GIGYF2: variants seen among roughly 807,000 people sequenced by gnomAD.
GIGYF2 encodes GRB10 interacting GYF protein 2, also known as GRB10-interacting GYF protein 2.
GIGYF2 carries 25 observed loss-of-function variants against 208.1 expected under a neutral mutation model. The observed-to-expected ratio is 0.12, with a 90% confidence interval of 0.09 to 0.17. The LOEUF (loss-of-function observed/expected upper bound fraction) is 0.17. Among genes scored for constraint, GIGYF2 ranks in the 10% least tolerant of loss-of-function variants. The probability of loss-of-function intolerance (pLI) is 1.00; values close to 1 mark genes in which losing one functional copy is unlikely to be tolerated. For synonymous variants in GIGYF2, 534 were observed against 543.8 expected (o/e 0.98, Z 0.25); for missense variants, 1,302 against 1,579.4 (o/e 0.82, Z 2.98).
chr2:232,799,674 C>G (rs912245266), intron 14 of GIGYF2, among the ~76,000 whole-genome samples: 1 of 152,032 alleles, frequency 6.6e-6, no homozygotes, highest in African/African-American at 2.4e-5. Context: ...ATTGCTTGAT[C>G]ATGTGGTATT....
intron 2 of GIGYF2, among the ~76,000 whole-genome samples, chr2:232,715,580 G>GAA (rs377446361): frequency 3.5e-5 from 5 of 142,470 alleles, no homozygotes; most frequent in Non-Finnish European, 3.1e-5. Context: ...GGCTTTCTGG[G>GAA]AAAAAAAAAA....
intron 2 of GIGYF2, chr2:232,729,800 GT>G: frequency 1.3e-6 from 1 of 748,438 alleles, no homozygotes. Flanking sequence ...ACGAGTGCAG[GT>G]TTTTTGGCTT....
At chr2:232,817,306 A>G (rs1445425212) in intron 20 of GIGYF2, among the ~76,000 whole-genome samples, 1 of 152,236 alleles carries the variant, frequency 6.6e-6, no homozygotes, top group Admixed American at 6.5e-5. Flanking sequence ...CCTTGCATCT[A>G]AAAACAATGA....
intron 8 of GIGYF2, chr2:232,764,437 G>A (rs1698868024): frequency 6.6e-6 from 1 of 152,294 alleles, no homozygotes; most frequent in East Asian, 1.9e-4. Flanking sequence ...CCCTTGAAAG[G>A]GTCCACACAT....
chr2:232,808,760 T>G (rs1048902026), intron 15 of GIGYF2, among the ~76,000 whole-genome samples: 37 of 152,162 alleles, frequency 2.4e-4, no homozygotes, highest in African/African-American at 7.7e-4. Flanking sequence ...TTCTCCTAAT[T>G]TTAACTTTTT....
chr2:232,745,712 C>T (rs184935806), intron 3 of GIGYF2, among the ~76,000 whole-genome samples: 1 of 152,050 alleles, frequency 6.6e-6, no homozygotes, highest in African/African-American at 2.4e-5. Flanking sequence ...AGAATATAAT[C>T]ACTTACAACC....
intron 5 of GIGYF2, among the ~76,000 whole-genome samples, chr2:232,754,173 G>GAA (rs1262026632): frequency 4.0e-5 from 5 of 126,172 alleles, no homozygotes; most frequent in African/African-American, 1.5e-4. Flanking sequence ...TCAAAAAAAA[G>GAA]AAAAAAAAAA....
intron 22 of GIGYF2, among the ~76,000 whole-genome samples, chr2:232,835,137 G>C (rs1221414097): frequency 6.6e-6 from 1 of 152,176 alleles, no homozygotes; most frequent in Non-Finnish European, 1.5e-5. Context: ...ATAGCCTCCA[G>C]TTCCATCTGT....
intron 8 of GIGYF2, among the ~76,000 whole-genome samples, chr2:232,777,869 A>G (rs894245355): frequency 6.6e-6 from 1 of 152,336 alleles, no homozygotes. Flanking sequence ...TAGAACAAGT[A>G]TAGTATAATA....
In GIGYF2 at chr2:232,827,368, CT is replaced by C. The variant is rs764862655; in HGVS notation, c.2530-5487del. Among the ~76,000 whole-genome samples the C allele has an allele frequency of 7.2e-5, 11 of 152,282 alleles. No individual in the cohort carries two copies. The East Asian group carries it at 2.1e-3, about 29-fold the overall frequency. On this transcript the variant is annotated intron_variant, in intron 21 of 28. Coordinates refer to ENST00000373563, the MANE Select transcript of GIGYF2 (RefSeq NM_001103146.3). ...GAACCTGCAGTATCTTTGAGGCATGCTTGTGTTTGATAGAGTTCACCGTTGA... is the reference window on the plus strand; with the variant it reads ...GAACCTGCAGTATCTTTGAGGCATGCTGTGTTTGATAGAGTTCACCGTTGA...
chr2:232,719,110 C>T (rs909461503), intron 2 of GIGYF2: 2 of 152,040 alleles, frequency 1.3e-5, no homozygotes, highest in Admixed American at 6.6e-5. Flanking sequence ...CTCAGCCTCC[C>T]GAGTAGATGG....
At chr2:232,754,634 TG>T (rs1698462500) in intron 5 of GIGYF2, among the ~76,000 whole-genome samples, 2 of 152,176 alleles carry the variant, frequency 1.3e-5, no homozygotes, top group African/African-American at 4.8e-5. Context: ...ATCTGTATTT[TG>T]GGACCTCATA....
At chr2:232,786,151 A>G (rs1699901844) in intron 8 of GIGYF2, among the ~76,000 whole-genome samples, 1 of 152,208 alleles carries the variant, frequency 6.6e-6, no homozygotes, top group South Asian at 2.1e-4. Context: ...ATTAGGTTAG[A>G]CATAGCTTAG....
rs1168999226 is a variant in GIGYF2, at chr2:232,806,473, T to A, written c.1640-18T>A. 6.4e-6 allele frequency: 10 copies of A among 1,559,002 alleles called. No individual in the cohort carries two copies. The highest frequency in any genetic ancestry group is 6.2e-6 in the Non-Finnish European group (7 of 1,129,716). On this transcript the variant is annotated intron_variant, in intron 14 of 28. Coordinates refer to ENST00000373563, the MANE Select transcript of GIGYF2 (RefSeq NM_001103146.3). The surrounding 1 kb of genome is among the most constrained non-coding windows in gnomAD (Gnocchi z 4.0). ...AAAGGTTTCTTATTGTCTTTCTGTT[T>A]AATTGGTGCTGTTATAGGTCCCTTC...
chr2:232,713,763 T>C (rs76623430), intron 2 of GIGYF2, among the ~76,000 whole-genome samples: 1,861 of 152,240 alleles, frequency 0.012, 44 homozygotes, highest in African/African-American at 0.042. Context: ...AATTTGATGT[T>C]TTTCATGATT....
At chr2:232,845,065 T>G (rs1345396557) in intron 25 of GIGYF2, among the ~76,000 whole-genome samples, 1 of 152,216 alleles carries the variant, frequency 6.6e-6, no homozygotes, top group Non-Finnish European at 1.5e-5. Flanking sequence ...GTTTTAGTGT[T>G]AAATACATGA....
chr2:232,847,701 G>A (rs1702068523), intron 27 of GIGYF2, 130 bp downstream of exon 27: 2 of 1,251,176 alleles, frequency 1.6e-6, no homozygotes, highest in Non-Finnish European at 2.3e-6. Flanking sequence ...TAAAAAATGT[G>A]TATACTTCAT....
intron 22 of GIGYF2, among the ~76,000 whole-genome samples, chr2:232,835,437 G>T (rs1431727356): frequency 6.6e-6 from 1 of 152,078 alleles, no homozygotes; most frequent in African/African-American, 2.4e-5. Context: ...CGAAGTCTTT[G>T]TGAAATCTGA....
At chr2:232,720,585 T>TATTTG (rs772814342) in intron 2 of GIGYF2, among the ~76,000 whole-genome samples, 19 of 126,310 alleles carry the variant, frequency 1.5e-4, no homozygotes, top group Non-Finnish European at 2.4e-4. Context: ...ATATATATAT[T>TATTTG]TTTGTTTGTT....
Sources: gnomAD v4.1 joint callset for allele counts (sites outside exome capture counted in the v4.1 genomes callset) on GRCh38, gnomAD v4.1.1 for gene constraint, Gnocchi (gnomAD v3.1) non-coding constraint, MANE v1.5 for transcripts, NCBI Gene and HGNC (gene_info 2026-07-23, HGNC 2026-07-21) for gene names.